SPOCK1: variants seen among roughly 807,000 people sequenced by gnomAD.
The protein encoded by SPOCK1 is testican-1.
A neutral mutation model predicts 55.3 loss-of-function variants in SPOCK1; 23 were observed. That is an observed-to-expected ratio of 0.42 (90% CI 0.30 to 0.59). The LOEUF (loss-of-function observed/expected upper bound fraction) is 0.59, where lower values mean the gene tolerates loss of function less well. Ranked by LOEUF, SPOCK1 falls within the 20% of genes least tolerant of loss-of-function variation. The pLI, the probability that SPOCK1 is intolerant of heterozygous loss-of-function variation, is 0.22. For synonymous variants in SPOCK1, 226 were observed against 221.0 expected, an observed-to-expected ratio of 1.02 and a Z score of -0.20; for missense variants, 499 against 552.5, an observed-to-expected ratio of 0.90 and a Z score of 0.97.
intron 3 of SPOCK1, among the ~76,000 whole-genome samples, chr5:137,253,500 A>C (rs1312709489): frequency 6.6e-6 from 1 of 152,050 alleles, no homozygotes; most frequent in East Asian, 1.9e-4. Flanking sequence ...ACAAATTATC[A>C]CCTCTCAACA....
At position 137,021,744 on chromosome 5, in the gene SPOCK1, G is replaced by C. The variant is rs189203295; in HGVS notation, c.590-29144C>G. On this transcript the variant is annotated intron_variant, in intron 6 of 10. Transcript: ENST00000394945. ...TTATTCTGGTTGTTCAACATCCTTG[G>C]AACTACTCTAAATTATGCTTTGCTT... Among the ~76,000 whole-genome samples, 11 of 152,148 alleles carry C rather than the reference G, an allele frequency of 7.2e-5. No individual in the cohort carries two copies. The East Asian group carries it at 1.9e-3, about 27-fold the overall frequency.
intron 5 of SPOCK1, among the ~76,000 whole-genome samples, chr5:137,074,842 C>T (rs2127009976): frequency 6.6e-6 from 1 of 152,032 alleles, no homozygotes; most frequent in Admixed American, 6.5e-5. Context: ...GTAGCTGGGA[C>T]TACAGGCACC....
At chr5:137,451,983 G>A (rs1407188164) in intron 2 of SPOCK1, among the ~76,000 whole-genome samples, 1 of 152,146 alleles carries the variant, frequency 6.6e-6, no homozygotes, top group Non-Finnish European at 1.5e-5. Flanking sequence ...TGCAATACAT[G>A]CATTATATAC....
At chr5:137,371,822 T>C (rs1751207346) in intron 2 of SPOCK1, among the ~76,000 whole-genome samples, 1 of 152,172 alleles carries the variant, frequency 6.6e-6, no homozygotes. Flanking sequence ...CTAAACACCA[T>C]TCATCTATTC....
At chr5:137,373,803 C>A (rs1372550637) in intron 2 of SPOCK1, among the ~76,000 whole-genome samples, 1 of 152,238 alleles carries the variant, frequency 6.6e-6, no homozygotes, top group East Asian at 1.9e-4. Context: ...CAGAATCAAA[C>A]AGACCTGGCT....
At chr5:137,177,927 T>C (rs76358788) in intron 3 of SPOCK1, among the ~76,000 whole-genome samples, 1,850 of 152,112 alleles carry the variant, frequency 0.012, 37 homozygotes, top group African/African-American at 0.042. Context: ...ATAGAGGCAG[T>C]ATAGCTAGGA....
intron 4 of SPOCK1, among the ~76,000 whole-genome samples, chr5:137,114,072 T>A (rs1025862461): frequency 6.6e-6 from 1 of 152,126 alleles, no homozygotes; most frequent in Non-Finnish European, 1.5e-5. Context: ...GGAACAACCT[T>A]TGAGGGTGAC....
chr5:137,437,169 C>T (rs1752882871), intron 2 of SPOCK1, among the ~76,000 whole-genome samples: 1 of 152,166 alleles, frequency 6.6e-6, no homozygotes. Flanking sequence ...GTACACTTTC[C>T]CGCCACTCCT....
At chr5:137,178,914 A>G (rs949215843) in intron 3 of SPOCK1, among the ~76,000 whole-genome samples, 7 of 152,242 alleles carry the variant, frequency 4.6e-5, no homozygotes, top group African/African-American at 1.7e-4. Flanking sequence ...TAAATGGCTA[A>G]GAATCCCTCC....
intron 7 of SPOCK1, among the ~76,000 whole-genome samples, chr5:136,989,485 C>A (rs961902076): frequency 1.3e-5 from 2 of 152,116 alleles, no homozygotes; most frequent in African/African-American, 4.8e-5. Context: ...TTCTGGAATA[C>A]CCCAATGATA....
At chr5:137,029,883 A>G (rs1389494732) in intron 6 of SPOCK1, among the ~76,000 whole-genome samples, 1 of 152,204 alleles carries the variant, frequency 6.6e-6, no homozygotes, top group Non-Finnish European at 1.5e-5. Flanking sequence ...CGTTTTGTTT[A>G]CTACAAACTG....
At chr5:137,352,034 C>A (rs1198875389) in intron 2 of SPOCK1, among the ~76,000 whole-genome samples, 1 of 152,212 alleles carries the variant, frequency 6.6e-6, no homozygotes, top group African/African-American at 2.4e-5. Flanking sequence ...TGGAATCAGA[C>A]AGGATAAGGT....
chr5:137,304,767 A>C (rs1416005655), intron 2 of SPOCK1, among the ~76,000 whole-genome samples: 1 of 152,152 alleles, frequency 6.6e-6, no homozygotes, highest in Non-Finnish European at 1.5e-5. Context: ...GAGTGGATGC[A>C]CTGCCCAGGC....
Position 137,405,381 on chromosome 5 carries a change from T to G in SPOCK1, c.186+92992A>C, listed in dbSNP as rs532297036. On this transcript the variant is annotated intron_variant, in intron 2 of 10. Coordinates refer to ENST00000394945, the MANE Select transcript of SPOCK1 (RefSeq NM_004598.4). ...TATTAAGTCTCTGAAGGGAGAGAGC[T>G]TGGGGTGCACTTCCTGGGAGAAGGG... 1.1e-4 allele frequency among the ~76,000 whole-genome samples: 17 copies of G among 152,258 alleles called. No individual in the cohort carries two copies. In the South Asian group the frequency reaches 3.3e-3, roughly 30 times the overall value.
intron 5 of SPOCK1, among the ~76,000 whole-genome samples, chr5:137,093,951 A>G (rs923346532): frequency 1.3e-5 from 2 of 152,230 alleles, no homozygotes; most frequent in Non-Finnish European, 2.9e-5. Context: ...AGAACAGACT[A>G]CAGGCAAACA....
intron 2 of SPOCK1, among the ~76,000 whole-genome samples, chr5:137,445,638 C>G (rs1217302223): frequency 6.6e-6 from 1 of 152,170 alleles, no homozygotes; most frequent in Admixed American, 6.5e-5. Flanking sequence ...TAGAAGAACT[C>G]TTCCATTTTC....
chr5:137,110,803 C>A (rs191157565), intron 5 of SPOCK1, among the ~76,000 whole-genome samples: 1 of 152,108 alleles, frequency 6.6e-6, no homozygotes, highest in Non-Finnish European at 1.5e-5. Flanking sequence ...ATTTTCCCAG[C>A]ACCTAGCACA....
At chr5:137,137,057 GCTCA>G (rs1580770366) in intron 4 of SPOCK1, among the ~76,000 whole-genome samples, 1 of 152,204 alleles carries the variant, frequency 6.6e-6, no homozygotes, top group African/African-American at 2.4e-5. Context: ...CAGCTTCTCT[GCTCA>G]CTCAATCTCC....
At chr5:136,998,586 T>C (rs904372691) in intron 6 of SPOCK1, among the ~76,000 whole-genome samples, 1 of 152,164 alleles carries the variant, frequency 6.6e-6, no homozygotes, top group Non-Finnish European at 1.5e-5. Flanking sequence ...TGGTCCATAC[T>C]CTGGGTTGAA....
Sources: allele counts gnomAD v4.1 joint callset (sites outside exome capture counted in the v4.1 genomes callset), GRCh38; gene constraint gnomAD v4.1.1; transcripts MANE v1.5; gene names NCBI Gene and HGNC (gene_info 2026-07-23, HGNC 2026-07-21).